The following LGSN variants were observed in gnomAD, a reference collection of about 807,000 sequenced individuals.
The protein encoded by LGSN is lengsin, lens protein with glutamine synthetase domain.
LGSN carries 21 observed loss-of-function variants against 19.5 expected under a neutral mutation model. That is an observed-to-expected ratio of 1.07 (90% CI 0.76 to 1.55). The LOEUF is 1.55. Among genes scored for constraint, LGSN ranks in the 40% most tolerant of loss-of-function variants. LGSN has a pLI of 0.00. For synonymous variants in LGSN, 257 were observed against 215.6 expected (o/e 1.19, Z -1.68); for missense variants, 673 against 608.5 (o/e 1.11, Z -1.12).
the LGSN span, among the ~76,000 whole-genome samples, chr6:63,444,855 GGCTGACTGT>G: frequency 6.6e-6 from 1 of 152,148 alleles, no homozygotes; most frequent in Admixed American, 6.5e-5. Context: ...AGCATGCCAT[GGCTGACTGT>G]GCTTGAGTCC....
At chr6:63,505,625 G>GAAATAAATAAATAAATAAAT in the LGSN span, among the ~76,000 whole-genome samples, 2 of 90,120 alleles carry the variant, frequency 2.2e-5, no homozygotes, top group African/African-American at 8.6e-5. Context: ...AAGAAAGAAA[G>GAAATAAATAAATAAATAAAT]AAAGAAAGAA....
chr6:63,362,073 G>C, the LGSN span, among the ~76,000 whole-genome samples: 1 of 152,182 alleles, frequency 6.6e-6, no homozygotes, highest in Non-Finnish European at 1.5e-5. Context: ...TTCAGAGGCA[G>C]TAACATGCAC....
the LGSN span, chr6:63,440,786 G>T: frequency 6.2e-6 from 1 of 160,176 alleles, no homozygotes; most frequent in East Asian, 1.7e-4. Flanking sequence ...CAGATAGCGA[G>T]GGCGGAAACC....
At chr6:63,437,940 T>A in the LGSN span, among the ~76,000 whole-genome samples, 3 of 152,056 alleles carry the variant, frequency 2.0e-5, no homozygotes, top group African/African-American at 7.2e-5. Context: ...AAAATATATA[T>A]ATATAGTACA....
the LGSN span, among the ~76,000 whole-genome samples, chr6:63,557,740 T>C: frequency 1.3e-5 from 2 of 152,038 alleles, no homozygotes; most frequent in Non-Finnish European, 2.9e-5. Context: ...GAGCACGAGG[T>C]AGGGCTATAA....
chr6:63,542,326 A>G, the LGSN span, among the ~76,000 whole-genome samples: 4 of 152,136 alleles, frequency 2.6e-5, no homozygotes, highest in East Asian at 1.9e-4. Flanking sequence ...AGTGCAGTGT[A>G]TACTGCTCGG....
the LGSN span, among the ~76,000 whole-genome samples, chr6:63,547,818 G>T: frequency 6.6e-6 from 1 of 152,122 alleles, no homozygotes; most frequent in African/African-American, 2.4e-5. Flanking sequence ...GCCCAGGGGG[G>T]GATTTGTTAA....
intron 2 of LGSN, among the ~76,000 whole-genome samples, chr6:63,288,947 C>CAATTTTGG (rs1767660015): frequency 1.3e-5 from 2 of 152,214 alleles, no homozygotes; most frequent in Admixed American, 6.5e-5. Context: ...TTCATTTTAA[C>CAATTTTGG]AATTTTGGAG....
At chr6:63,514,371 C>T in the LGSN span, among the ~76,000 whole-genome samples, 1 of 152,128 alleles carries the variant, frequency 6.6e-6, no homozygotes, top group South Asian at 2.1e-4. Context: ...GGGACTACAG[C>T]CATGCACCAC....
chr6:63,447,530 G>A, the LGSN span, among the ~76,000 whole-genome samples: 2 of 152,100 alleles, frequency 1.3e-5, no homozygotes, highest in Non-Finnish European at 2.9e-5. Flanking sequence ...GAATATCTTA[G>A]TAAAGATGAA....
chr6:63,519,078 G>T, the LGSN span, among the ~76,000 whole-genome samples: 1 of 152,168 alleles, frequency 6.6e-6, no homozygotes, highest in Non-Finnish European at 1.5e-5. Context: ...ACTTTGAGAG[G>T]CCAAGGCGGG....
At chr6:63,327,172 C>T in the LGSN span, among the ~76,000 whole-genome samples, 7 of 152,278 alleles carry the variant, frequency 4.6e-5, no homozygotes, top group Admixed American at 1.3e-4. Flanking sequence ...GCCAGTGGGT[C>T]GGTCCAGGGG....
At chr6:63,360,572 G>A in the LGSN span, among the ~76,000 whole-genome samples, 1 of 151,720 alleles carries the variant, frequency 6.6e-6, no homozygotes, top group Non-Finnish European at 1.5e-5. Context: ...TAATCTTAAG[G>A]TTTTTAACTT....
chr6:63,544,260 A>G, the LGSN span, among the ~76,000 whole-genome samples: 1 of 152,120 alleles, frequency 6.6e-6, no homozygotes, highest in African/African-American at 2.4e-5. Context: ...ATTCCTGCCT[A>G]TTTTCACTCA....
At chr6:63,486,682 CTTTTTTTTTTTTT>C in the LGSN span, among the ~76,000 whole-genome samples, 1 of 115,850 alleles carries the variant, frequency 8.6e-6, no homozygotes, top group Admixed American at 1.0e-4. Context: ...TTATTTTCTT[CTTTTTTTTTTTTT>C]TTTTTTTGAG....
chr6:63,557,391 C>T, the LGSN span, among the ~76,000 whole-genome samples: 1 of 152,018 alleles, frequency 6.6e-6, no homozygotes, highest in South Asian at 2.1e-4. Flanking sequence ...CATGGTGAAA[C>T]CCTGTCTCTA....
the LGSN span, among the ~76,000 whole-genome samples, chr6:63,451,596 A>G: frequency 1.3e-5 from 2 of 152,122 alleles, no homozygotes; most frequent in Admixed American, 1.3e-4. Context: ...GGGGCCTATT[A>G]GAGGGTGGAG....
At chr6:63,384,093 C>A in the LGSN span, among the ~76,000 whole-genome samples, 1 of 152,134 alleles carries the variant, frequency 6.6e-6, no homozygotes, top group African/African-American at 2.4e-5. Flanking sequence ...CCCAAATCAC[C>A]CATAAACCAC....
chr6:63,481,537 G>C, the LGSN span, among the ~76,000 whole-genome samples: 49 of 151,622 alleles, frequency 3.2e-4, no homozygotes, highest in Non-Finnish European at 6.2e-4. Context: ...TAGTAGAGAC[G>C]GGGTTTCACT....
Sources: allele counts gnomAD v4.1 joint callset (sites outside exome capture counted in the v4.1 genomes callset), GRCh38; gene constraint gnomAD v4.1.1; transcripts MANE v1.5; gene names NCBI Gene and HGNC (gene_info 2026-07-23, HGNC 2026-07-21).